TMBIM6: variants seen among roughly 807,000 people sequenced by gnomAD.
The protein encoded by TMBIM6 is transmembrane BAX inhibitor motif containing 6, also known as bax inhibitor 1.
Under a neutral mutation model 31.4 loss-of-function variants are expected in TMBIM6, and 13 were observed. That is an observed-to-expected ratio of 0.41 (90% CI 0.27 to 0.66). The LOEUF is 0.66. Among genes scored for constraint, TMBIM6 ranks in the 30% least tolerant of loss-of-function variants. The probability of loss-of-function intolerance (pLI) is 0.28; values close to 1 mark genes in which losing one functional copy is unlikely to be tolerated. For synonymous variants in TMBIM6, 85 were observed against 101.7 expected, an observed-to-expected ratio of 0.84 and a Z score of 0.99; for missense variants, 275 against 289.5, an observed-to-expected ratio of 0.95 and a Z score of 0.36.
intron 8 of TMBIM6, among the ~76,000 whole-genome samples, chr12:49,760,952 G>T (rs1383968061): frequency 6.6e-6 from 1 of 151,832 alleles, no homozygotes; most frequent in East Asian, 1.9e-4. Flanking sequence ...TGTTTCTCCT[G>T]CCTTAACATC....
chr12:49,742,422 T>TATACA, intron 1 of TMBIM6: 3 of 1,193,242 alleles, frequency 2.5e-6, no homozygotes, highest in Non-Finnish European at 1.1e-6. Context: ...TATCTTTGTA[T>TATACA]ATTTACTGAG....
chr12:49,745,501 G>A (rs954774011), intron 1 of TMBIM6, among the ~76,000 whole-genome samples: 7 of 152,170 alleles, frequency 4.6e-5, no homozygotes, highest in African/African-American at 1.7e-4. Context: ...GAGGTGGGCA[G>A]ATCACTTGAG....
At position 49,758,264 on chromosome 12, in the gene TMBIM6, T is replaced by C. The variant is rs200243571; in HGVS notation, c.324T>C (p.Ala108=). ...GLGPALEFCI[A]VNPSILPTAF... is the part of the protein sequence containing the mutation. The stretch of plus-strand genomic sequence containing the variant: ...GCCCTGCCCTGGAGTTTTGTATTGC[T>C]GTCAACCCCAGGTAACTCTTTTGGT... Residue 108 remains alanine, a synonymous_variant, in exon 5 of 10, where the codon GCT becomes GCC. Coordinates refer to ENST00000267115, the MANE Select transcript of TMBIM6 (RefSeq NM_003217.3). 1.9e-6 allele frequency: 3 copies of C among 1,614,260 alleles called. No homozygotes were observed. Among genetic ancestry groups the C allele is most frequent in the Admixed American group, 3.3e-5 (2 of 60,034 alleles).
intron 1 of TMBIM6, chr12:49,742,288 G>A: frequency 6.3e-7 from 1 of 1,576,752 alleles, no homozygotes; most frequent in Non-Finnish European, 8.6e-7. Context: ...CAGGTGAGGT[G>A]GCTTTGCTTT....
At chr12:49,762,407 T>C (rs1459297633) in intron 9 of TMBIM6, among the ~76,000 whole-genome samples, 8 of 152,378 alleles carry the variant, frequency 5.3e-5, no homozygotes, top group African/African-American at 1.9e-4. Context: ...CCATCCAAGA[T>C]TGAATGAAGA....
intron 1 of TMBIM6, chr12:49,742,367 A>G: frequency 6.8e-7 from 1 of 1,476,850 alleles, no homozygotes; most frequent in Non-Finnish European, 9.0e-7. Context: ...GGCAGTTTTT[A>G]TCTTGGGCCT....
chr12:49,762,278 G>A (rs964412963), intron 9 of TMBIM6: 1 of 160,962 alleles, frequency 6.2e-6, no homozygotes, highest in African/African-American at 2.4e-5. Flanking sequence ...AGCGGGAGTA[G>A]TTGACCAGAT....
intron 8 of TMBIM6, among the ~76,000 whole-genome samples, chr12:49,760,309 G>A (rs115621411): frequency 0.015 from 2,232 of 152,148 alleles, 51 homozygotes; most frequent in African/African-American, 0.051. Context: ...GTAGTGTGGT[G>A]CCATGAACAC....
intron 1 of TMBIM6, among the ~76,000 whole-genome samples, chr12:49,744,833 G>T (rs1945360462): frequency 6.6e-6 from 1 of 152,170 alleles, no homozygotes; most frequent in African/African-American, 2.4e-5. Context: ...ATTAGGGAGG[G>T]ATTACTGGTT....
At chr12:49,756,709 G>A (rs1285448537) in intron 4 of TMBIM6, among the ~76,000 whole-genome samples, 2 of 150,678 alleles carry the variant, frequency 1.3e-5, no homozygotes, top group Non-Finnish European at 3.0e-5. Context: ...ACAGGCATGA[G>A]CCACCACACC....
At position 49,747,350 on chromosome 12, in the gene TMBIM6, C is replaced by T. The variant is rs144338625; in HGVS notation, c.-30-5114C>T. On this transcript the variant is annotated intron_variant, in intron 1 of 9. Coordinates refer to ENST00000267115, the MANE Select transcript of TMBIM6 (RefSeq NM_003217.3). ...GCAGTGACACATTTTTGCTCTGTTA[C>T]CAGGCTGGAGTGAAGCAACATGATG... Among the ~76,000 whole-genome samples the T allele has an allele frequency of 7.2e-4, 110 of 152,280 alleles. 1 individual carries two copies. Among genetic ancestry groups the T allele is most frequent in the African/African-American group, 2.6e-3 (108 of 41,556 alleles).
Position 49,758,260 on chromosome 12 carries a change from T to C in TMBIM6, c.320T>C (p.Ile107Thr). Reference protein sequence around the residue: ...VGLGPALEFCIAVNPSILPTA... With the variant: ...VGLGPALEFCTAVNPSILPTA... Reference sequence around the variant, plus strand: ...CTGGGCCCTGCCCTGGAGTTTTGTATTGCTGTCAACCCCAGGTAACTCTTT... The same window carrying C: ...CTGGGCCCTGCCCTGGAGTTTTGTACTGCTGTCAACCCCAGGTAACTCTTT... Residue 107 changes from isoleucine to threonine, a missense_variant, in exon 5 of 10, where the codon ATT (isoleucine) becomes ACT (threonine). Ile to Thr is a moderately conservative substitution (Grantham distance 89). Transcript: ENST00000267115. 1 of 1,614,274 alleles carries C rather than the reference T, an allele frequency of 6.2e-7. No homozygotes were observed. The highest frequency in any genetic ancestry group is 1.6e-4 in the Middle Eastern group (1 of 6,062).
chr12:49,758,655 C>G, intron 6 of TMBIM6, 28 bp from the exon 7 acceptor site: 1 of 1,612,078 alleles, frequency 6.2e-7, no homozygotes, highest in Non-Finnish European at 8.5e-7. Context: ...TGGCTTCTCT[C>G]AAGACAGCTT....
intron 2 of TMBIM6, 33 bp from the exon 3 acceptor site, chr12:49,752,940 G>A (rs1390211967): frequency 6.3e-7 from 1 of 1,578,768 alleles, no homozygotes; most frequent in Non-Finnish European, 8.7e-7. Context: ...ATTGATCTGG[G>A]ACTGATTGCT....
At chr12:49,744,932 G>T (rs891072313) in intron 1 of TMBIM6, among the ~76,000 whole-genome samples, 2 of 152,162 alleles carry the variant, frequency 1.3e-5, no homozygotes, top group Non-Finnish European at 2.9e-5. Flanking sequence ...AGATGAAGTA[G>T]TGTCAACGTT....
chr12:49,760,260 C>CT (rs951012087), intron 8 of TMBIM6, among the ~76,000 whole-genome samples: 4 of 152,052 alleles, frequency 2.6e-5, no homozygotes, highest in East Asian at 1.9e-4. Context: ...AAGATACACT[C>CT]TTTTTTTAGA....
At chr12:49,757,420 C>G (rs775523294) in intron 4 of TMBIM6, among the ~76,000 whole-genome samples, 5 of 152,182 alleles carry the variant, frequency 3.3e-5, no homozygotes, top group Non-Finnish European at 7.3e-5. Flanking sequence ...TGTTCTGAGT[C>G]TTACAGACAG....
rs191540442 is a variant in TMBIM6, at chr12:49,751,825, G to A, written c.-30-639G>A. ...GTTGCCCAGGCTGGAGTGCAGTGGC[G>A]TGTCTTGGCTCACTGCAGCCTCTGC... is the stretch of plus-strand genomic sequence containing the variant. On this transcript the variant is annotated intron_variant, in intron 1 of 9. Transcript: ENST00000267115. 1.7e-4 allele frequency among the ~76,000 whole-genome samples: 25 copies of A among 147,410 alleles called. No individual in the cohort carries two copies. The East Asian group carries it at 4.0e-3, about 24-fold the overall frequency.
chr12:49,759,322 G>A lies in TMBIM6; in HGVS notation c.614+1G>A. 2 of 1,611,492 alleles carry A rather than the reference G, an allele frequency of 1.2e-6. No individual in the cohort carries two copies. Among genetic ancestry groups the A allele is most frequent in the East Asian group, 2.2e-5 (1 of 44,880 alleles). ...AACATGGAGATCAAGATTATATCTG[G>A]TGAGTGTGGGAACTAGTCTTTAACA... On this transcript the variant is annotated splice_donor_variant, in intron 8 of 9. Coordinates refer to ENST00000267115, the MANE Select transcript of TMBIM6 (RefSeq NM_003217.3). LOFTEE classifies it high-confidence loss of function.
Sources: gnomAD v4.1 joint callset for allele counts (sites outside exome capture counted in the v4.1 genomes callset) on GRCh38, gnomAD v4.1.1 for gene constraint, MANE v1.5 for transcripts, NCBI Gene and HGNC (gene_info 2026-07-23, HGNC 2026-07-21) for gene names.